The following SETDB1 variants were observed in gnomAD, a reference collection of about 807,000 sequenced individuals.
The protein encoded by SETDB1 is SET domain bifurcated histone lysine methyltransferase 1, also known as histone-lysine N-methyltransferase SETDB1.
In SETDB1, 31 loss-of-function variants were observed where a neutral mutation model predicts 137.4. The ratio of observed to expected loss-of-function variants is 0.23; its 90% CI spans 0.17 to 0.30. The LOEUF (loss-of-function observed/expected upper bound fraction) is 0.30. Among genes scored for constraint, SETDB1 ranks in the 10% least tolerant of loss-of-function variants. The probability of loss-of-function intolerance (pLI) is 1.00; values close to 1 mark genes in which losing one functional copy is unlikely to be tolerated. For missense variants in SETDB1, 1,113 were observed against 1,631.5 expected (o/e 0.68, Z 5.47); for synonymous variants, 548 against 579.9 (o/e 0.95, Z 0.79).
In SETDB1 at chr1:150,947,006, A is replaced by G; in HGVS notation, c.1261A>G (p.Asn421Asp). The G allele has an allele frequency of 1.2e-6, 2 of 1,614,092 alleles. No homozygotes were observed. Among genetic ancestry groups the G allele is most frequent in the Non-Finnish European group, 1.7e-6 (2 of 1,179,968 alleles). ...GCAAGGACAGCTCAGGACACGTCCAAATATGGGTATGTCCTGAAAGATTCC... is the reference window on the plus strand; with the variant it reads ...GCAAGGACAGCTCAGGACACGTCCAGATATGGGTATGTCCTGAAAGATTCC... ...KKQGQLRTRP[N>D]MGAVRSKGPV... Residue 421 changes from asparagine to aspartate, a missense_variant, in exon 10 of 22, where the codon AAT becomes GAT. By Grantham distance (23) the Asn-to-Asp change is conservative (BLOSUM62 1). Around this residue, in one of 11 missense-constraint regions of SETDB1, gnomAD observed 154 missense variants for 303.1 expected, o/e 0.51. Transcript: ENST00000692827.
At position 150,942,216 on chromosome 1, in the gene SETDB1, G is replaced by A. The variant is rs7525431; in HGVS notation, c.548-347G>A. Among the ~76,000 whole-genome samples the A allele has an allele frequency of 4.9e-3, 743 of 151,720 alleles. 9 individuals are homozygous for A. Among genetic ancestry groups the A allele is most frequent in the African/African-American group, 0.016 (677 of 41,332 alleles). Reference sequence around the variant, plus strand: ...AGCACTTTGGGAGACCGAGGCAGGCGGATCATGAGGTCAAAAGATAGAGAC... The same window carrying A: ...AGCACTTTGGGAGACCGAGGCAGGCAGATCATGAGGTCAAAAGATAGAGAC... On this transcript the variant is annotated intron_variant, in intron 5 of 21. Coordinates refer to ENST00000692827, the MANE Select transcript of SETDB1 (RefSeq NM_001366418.1).
rs1670435156 is a variant in SETDB1, at chr1:150,949,476, C to T, written c.1534C>T (p.Leu512Phe). 6.2e-7 allele frequency: 1 copy of T among 1,613,994 alleles called. No individual in the cohort carries two copies. Among genetic ancestry groups the T allele is most frequent in the African/African-American group, 1.3e-5 (1 of 74,896 alleles). Reference sequence around the variant, plus strand: ...TCATTCCTCCCCTACATCTCCTGCACTCAGTGAAAATGTCTCTGGTGGGAA... The same window carrying T: ...TCATTCCTCCCCTACATCTCCTGCATTCAGTGAAAATGTCTCTGGTGGGAA... ...SGHSSPTSPA[L>F]SENVSGGKPG... Residue 512 changes from leucine (L) to phenylalanine (F), a missense_variant, in exon 12 of 22, where the codon CTC becomes TTC. Leu to Phe is a conservative substitution (Grantham distance 22, BLOSUM62 0). Coordinates refer to ENST00000692827, the MANE Select transcript of SETDB1 (RefSeq NM_001366418.1).
intron 12 of SETDB1, among the ~76,000 whole-genome samples, chr1:150,950,188 C>T (rs1452302452): frequency 6.6e-5 from 10 of 150,494 alleles, no homozygotes; most frequent in South Asian, 2.1e-4. Context: ...GAGCCAAGAT[C>T]GTGCCATTGT....
chr1:150,936,107 C>T (rs1416728886), intron 3 of SETDB1, among the ~76,000 whole-genome samples: 1 of 152,206 alleles, frequency 6.6e-6, no homozygotes, highest in Non-Finnish European at 1.5e-5. Context: ...CTGCCTCAGC[C>T]TCCCGAGTAG....
At chr1:150,958,254 CTTTT>C (rs374122454) in intron 14 of SETDB1, among the ~76,000 whole-genome samples, 1 of 94,068 alleles carries the variant, frequency 1.1e-5, no homozygotes. Context: ...TTTCTTTTTT[CTTTT>C]TTTTTTTTTT....
intron 9 of SETDB1, 37 bp from the exon 10 acceptor site, chr1:150,946,849 A>G (rs367717588): frequency 6.2e-7 from 1 of 1,612,802 alleles, no homozygotes. Flanking sequence ...CTAGCCTTTA[A>G]GCTATTTCCC....
rs758157334 is a variant in SETDB1 at position 150,942,939 on chromosome 1, C to A, written c.761C>A (p.Pro254His). The change falls in exon 7 of 22, where the codon CCT (proline) becomes CAT (histidine). Residue 254 changes from proline (P) to histidine (H), a missense_variant. Pro to His is a moderately conservative substitution (Grantham distance 77). This residue lies in a region of SETDB1 where 154 missense variants were observed against 303.1 expected (regional missense o/e 0.51). Coordinates refer to ENST00000692827, the MANE Select transcript of SETDB1 (RefSeq NM_001366418.1). ...CATATTGCCTATGATTACCACCCTC[C>A]TGCTGACAAGCTGTATGTGGGCAGT... ...GNHIAYDYHPPADKLYVGSRV... is the reference protein window; with the variant it reads ...GNHIAYDYHPHADKLYVGSRV... 5 of 1,614,008 alleles carry A rather than the reference C, an allele frequency of 3.1e-6. No homozygotes were observed. In the Admixed American group the frequency reaches 5.0e-5, roughly 16 times the overall value.
At chr1:150,928,226 T>G in intron 2 of SETDB1, 1 of 463,506 alleles carries the variant, frequency 2.2e-6, no homozygotes, top group Non-Finnish European at 3.9e-6. Flanking sequence ...CCCAGCTAAT[T>G]TTTTATATTT....
chr1:150,946,504 G>A (rs143672323), intron 9 of SETDB1, among the ~76,000 whole-genome samples: 29 of 152,166 alleles, frequency 1.9e-4, no homozygotes, highest in African/African-American at 6.3e-4. Flanking sequence ...GCTGGAGTAC[G>A]ATGGTGCAGT....
At chr1:150,944,889 C>G in intron 8 of SETDB1, 29 bp from the exon 9 acceptor site, 1 of 1,612,028 alleles carries the variant, frequency 6.2e-7, no homozygotes, top group Non-Finnish European at 8.5e-7. Flanking sequence ...CCTACCTGCC[C>G]TCTCAGTTCT....
chr1:150,927,348 A>C (rs1350678356), intron 1 of SETDB1, among the ~76,000 whole-genome samples: 2 of 151,262 alleles, frequency 1.3e-5, no homozygotes, highest in African/African-American at 4.9e-5. Flanking sequence ...CTGGTCTTGA[A>C]CTCCTGCCCT....
At chr1:150,940,845 A>C (rs769650408) in intron 4 of SETDB1, among the ~76,000 whole-genome samples, 47 of 152,052 alleles carry the variant, frequency 3.1e-4, no homozygotes, top group Admixed American at 1.4e-3. Flanking sequence ...TAAAAATACA[A>C]AAATTAGCTG....
chr1:150,961,334 G>A, intron 16 of SETDB1, 143 bp downstream of exon 16: 1 of 849,388 alleles, frequency 1.2e-6, no homozygotes, highest in Non-Finnish European at 1.9e-6. Context: ...CCCCTAACTA[G>A]CACATTCCTA....
chr1:150,944,123 CT>C (rs1670249530), intron 8 of SETDB1, 130 bp downstream of exon 8: 2 of 714,122 alleles, frequency 2.8e-6, no homozygotes, highest in Non-Finnish European at 5.1e-6. Context: ...TGGTTGATGT[CT>C]TTTGCTCCCA....
intron 3 of SETDB1, among the ~76,000 whole-genome samples, chr1:150,936,676 C>T (rs587690234): frequency 6.9e-4 from 105 of 152,020 alleles, no homozygotes; most frequent in Non-Finnish European, 1.3e-3. Context: ...GATATAGAAA[C>T]CTCAACTTTA....
intron 3 of SETDB1, 116 bp from the exon 4 acceptor site, chr1:150,939,824 T>A (rs1571635117): frequency 2.9e-6 from 2 of 689,544 alleles, no homozygotes; most frequent in Middle Eastern, 2.6e-4. Flanking sequence ...AAGATTATTT[T>A]CAGTTATTGT....
At chr1:150,951,518 A>C (rs746448315) in intron 14 of SETDB1, 37 bp downstream of exon 14, 1 of 1,039,702 alleles carries the variant, frequency 9.6e-7, no homozygotes, top group Non-Finnish European at 1.5e-6. Context: ...CCTCAGAGAG[A>C]CTGAGGAGCA....
At chr1:150,946,807 G>A (rs1670344957) in intron 9 of SETDB1, 79 bp from the exon 10 acceptor site, 2 of 1,535,426 alleles carry the variant, frequency 1.3e-6, no homozygotes, top group Non-Finnish European at 1.8e-6. Context: ...GTGACACATG[G>A]TATATATCCT....
At chr1:150,963,931 C>G in intron 20 of SETDB1, 64 bp from the exon 21 acceptor site, 2 of 1,490,138 alleles carry the variant, frequency 1.3e-6, no homozygotes, top group Non-Finnish European at 9.4e-7. Context: ...CCAACTCTCA[C>G]TCTCCCTGCA....
Sources: allele counts gnomAD v4.1 joint callset (sites outside exome capture counted in the v4.1 genomes callset), GRCh38; gene constraint gnomAD v4.1.1; regional missense constraint gnomAD v4.1.1; transcripts MANE v1.5; gene names NCBI Gene and HGNC (gene_info 2026-07-23, HGNC 2026-07-21).